MAN1A2: variants seen among roughly 807,000 people sequenced by gnomAD.
The protein encoded by MAN1A2 is mannosidase alpha class 1A member 2.
MAN1A2 carries 26 observed loss-of-function variants against 75.7 expected under a neutral mutation model. The observed-to-expected ratio is 0.34, with a 90% CI of 0.25 to 0.48. The LOEUF (loss-of-function observed/expected upper bound fraction) is 0.48, where lower values mean the gene tolerates loss of function less well. Ranked by LOEUF, MAN1A2 falls within the 20% of genes least tolerant of loss-of-function variation. The probability of loss-of-function intolerance (pLI) is 0.99; values close to 1 mark genes in which losing one functional copy is unlikely to be tolerated. For synonymous variants in MAN1A2, 247 were observed against 264.6 expected, an observed-to-expected ratio of 0.93 and a Z score of 0.65; for missense variants, 562 against 775.5, an observed-to-expected ratio of 0.72 and a Z score of 3.27.
intron 8 of MAN1A2, among the ~76,000 whole-genome samples, chr1:117,475,233 A>G (rs1364156965): frequency 2.0e-5 from 3 of 151,976 alleles, no homozygotes. Flanking sequence ...AACTTTTTTA[A>G]GGAACTACCA....
At chr1:117,442,966 A>G (rs970228472) in intron 6 of MAN1A2, among the ~76,000 whole-genome samples, 1 of 152,212 alleles carries the variant, frequency 6.6e-6, no homozygotes, top group Non-Finnish European at 1.5e-5. Flanking sequence ...ATGTAGAGAT[A>G]TACAATTAAC....
intron 12 of MAN1A2, among the ~76,000 whole-genome samples, chr1:117,518,873 G>A (rs911941334): frequency 1.3e-4 from 20 of 152,044 alleles, no homozygotes; most frequent in African/African-American, 4.3e-4. Context: ...TCCAATAACC[G>A]CAGAATACAC....
chr1:117,437,964 A>C (rs1259863265), intron 5 of MAN1A2, among the ~76,000 whole-genome samples: 5 of 152,238 alleles, frequency 3.3e-5, no homozygotes, highest in Admixed American at 2.0e-4. Flanking sequence ...GCACTCTTCT[A>C]AGCATTGAAA....
In MAN1A2 at chr1:117,402,418, G is replaced by A. The variant is rs1198462349; in HGVS notation, c.535G>A (p.Glu179Lys). 1.3e-6 allele frequency: 2 copies of A among 1,596,364 alleles called. No homozygotes were observed. Among genetic ancestry groups the A allele is most frequent in the Admixed American group, 1.8e-5 (1 of 55,208 alleles). Reference sequence around the variant, plus strand: ...AGACCCAGAAGATAATGACATAAGAGAGAAAAGGGAAAAAATTAAAGAGGT... The same window carrying A: ...AGACCCAGAAGATAATGACATAAGAAAGAAAAGGGAAAAAATTAAAGAGGT... The part of the protein sequence containing the change: ...GGDPEDNDIR[E>K]KREKIKEMMK... Residue 179 changes from glutamate to lysine, a missense_variant, in exon 2 of 13, where the codon GAG becomes AAG. Glu to Lys is a moderately conservative substitution (Grantham distance 56, BLOSUM62 1). This residue lies in a region of MAN1A2 where 434 missense variants were observed against 645.7 expected (regional missense o/e 0.67). Coordinates refer to ENST00000356554, the MANE Select transcript of MAN1A2 (RefSeq NM_006699.5).
chr1:117,451,904 T>A (rs1649429865), intron 6 of MAN1A2, among the ~76,000 whole-genome samples: 1 of 151,422 alleles, frequency 6.6e-6, no homozygotes, highest in Admixed American at 6.6e-5. Flanking sequence ...AGGAGGACTG[T>A]GTGAGTCCAG....
intron 12 of MAN1A2, among the ~76,000 whole-genome samples, chr1:117,518,844 A>T (rs186508359): frequency 6.6e-6 from 1 of 152,240 alleles, no homozygotes; most frequent in Non-Finnish European, 1.5e-5. Flanking sequence ...GACTTAACAG[A>T]TATATGCAGA....
At chr1:117,513,551 A>T (rs547253093) in intron 12 of MAN1A2, among the ~76,000 whole-genome samples, 6 of 152,166 alleles carry the variant, frequency 3.9e-5, no homozygotes, top group African/African-American at 1.4e-4. Context: ...ATTTGGCTAC[A>T]CTTAATCTTG....
At chr1:117,463,018 C>T (rs747229386) in intron 7 of MAN1A2, among the ~76,000 whole-genome samples, 1 of 151,712 alleles carries the variant, frequency 6.6e-6, no homozygotes, top group Non-Finnish European at 1.5e-5. Flanking sequence ...AGTACTTCAT[C>T]AACAGAGAAG....
rs751178779 is a variant in MAN1A2 at position 117,368,283 on chromosome 1, T to C, written c.100T>C (p.Ser34Pro). 1 of 1,614,236 alleles carries C rather than the reference T, an allele frequency of 6.2e-7. No homozygotes were observed. The highest frequency in any genetic ancestry group is 8.5e-7 in the Non-Finnish European group (1 of 1,180,036). The change falls in exon 1 of 13, where the codon TCT (serine) becomes CCT (proline). Residue 34 changes from serine to proline, a missense_variant. Ser to Pro is a moderately conservative substitution (Grantham distance 74). Coordinates refer to ENST00000356554, the MANE Select transcript of MAN1A2 (RefSeq NM_006699.5). Reference sequence around the variant, plus strand: ...ACATCACAGGGCTACCTTGAGACTTTCTGAGAAGTTTATTCTTCTCCTTAT... The same window carrying C: ...ACATCACAGGGCTACCTTGAGACTTCCTGAGAAGTTTATTCTTCTCCTTAT... Reference protein sequence around the residue: ...FPHHRATLRLSEKFILLLILS... With the variant: ...FPHHRATLRLPEKFILLLILS...
At chr1:117,436,735 T>C (rs1648862401) in intron 5 of MAN1A2, among the ~76,000 whole-genome samples, 1 of 152,224 alleles carries the variant, frequency 6.6e-6, no homozygotes, top group South Asian at 2.1e-4. Context: ...GCATTCATCA[T>C]GGGCCCTGTG....
intron 1 of MAN1A2, among the ~76,000 whole-genome samples, chr1:117,377,364 G>A (rs1210117379): frequency 1.3e-5 from 2 of 152,184 alleles, no homozygotes; most frequent in Admixed American, 6.5e-5. Flanking sequence ...CTTCAGTGCC[G>A]TTGGTGTAAA....
chr1:117,494,565 T>C (rs1430919202), intron 9 of MAN1A2: 1 of 152,082 alleles, frequency 6.6e-6, no homozygotes, highest in Non-Finnish European at 1.5e-5. Flanking sequence ...TTTTAAAAAA[T>C]GCACAGGAGT....
intron 8 of MAN1A2, among the ~76,000 whole-genome samples, chr1:117,472,160 T>C (rs894081085): frequency 6.6e-6 from 1 of 152,008 alleles, no homozygotes; most frequent in Admixed American, 6.6e-5. Context: ...CCATTTTAAC[T>C]GCACCTTTTT....
intron 3 of MAN1A2, among the ~76,000 whole-genome samples, chr1:117,408,741 A>G (rs970656830): frequency 6.6e-6 from 1 of 150,382 alleles, no homozygotes; most frequent in Non-Finnish European, 1.5e-5. Flanking sequence ...AATGTTTGGT[A>G]TATGTTGCTG....
At chr1:117,449,098 T>C (rs548189116) in intron 6 of MAN1A2, among the ~76,000 whole-genome samples, 1 of 152,258 alleles carries the variant, frequency 6.6e-6, no homozygotes, top group South Asian at 2.1e-4. Flanking sequence ...AATCACTAAA[T>C]GTTGTCTCTG....
At chr1:117,381,828 C>T (rs1475935653) in intron 1 of MAN1A2, among the ~76,000 whole-genome samples, 1 of 152,004 alleles carries the variant, frequency 6.6e-6, no homozygotes, top group African/African-American at 2.4e-5. Flanking sequence ...CCTATTTCTC[C>T]ACATCCTTTC....
intron 8 of MAN1A2, among the ~76,000 whole-genome samples, chr1:117,471,695 T>C (rs1650159706): frequency 6.6e-6 from 1 of 151,838 alleles, no homozygotes; most frequent in Admixed American, 6.6e-5. Context: ...TTGAAGATAA[T>C]TGACAAGAAA....
chr1:117,483,151 A>G (rs774667095), intron 8 of MAN1A2, among the ~76,000 whole-genome samples: 5 of 152,112 alleles, frequency 3.3e-5, no homozygotes, highest in African/African-American at 2.4e-5. Flanking sequence ...GCCTTATAGT[A>G]TAGTTTGAAG....
chr1:117,418,039 C>T (rs527385199), intron 4 of MAN1A2, among the ~76,000 whole-genome samples: 1 of 152,186 alleles, frequency 6.6e-6, no homozygotes, highest in South Asian at 2.1e-4. Context: ...GAGTAAGATC[C>T]TCCTTCTGAA....
Sources: gnomAD v4.1 joint callset for allele counts (sites outside exome capture counted in the v4.1 genomes callset) on GRCh38, gnomAD v4.1.1 for gene constraint, gnomAD v4.1.1 regional missense constraint, MANE v1.5 for transcripts, NCBI Gene and HGNC (gene_info 2026-07-23, HGNC 2026-07-21) for gene names.